The following NKAIN3 variants were observed in gnomAD, a reference collection of about 807,000 sequenced individuals.
NKAIN3 encodes the protein sodium/potassium transporting ATPase interacting 3.
NKAIN3 carries 25 observed loss-of-function variants against 30.2 expected under a neutral mutation model. That is an observed-to-expected ratio of 0.83 (90% CI 0.60 to 1.16). The LOEUF (loss-of-function observed/expected upper bound fraction) is 1.16, where lower values mean the gene tolerates loss of function less well. Ranked by LOEUF, NKAIN3 falls within the 50% of genes most tolerant of loss-of-function variation. NKAIN3 has a pLI of 0.00. For synonymous variants in NKAIN3, 91 were observed against 89.6 expected, an observed-to-expected ratio of 1.02 and a Z score of -0.09; for missense variants, 225 against 254.1, an observed-to-expected ratio of 0.89 and a Z score of 0.78.
At chr8:62,257,791 AT>A (rs1337966696) in intron 1 of NKAIN3, among the ~76,000 whole-genome samples, 1 of 152,208 alleles carries the variant, frequency 6.6e-6, no homozygotes, top group Non-Finnish European at 1.5e-5. Flanking sequence ...AAGTATTTAT[AT>A]ATACCTGTAG....
At chr8:62,727,122 G>A (rs774001112) in intron 3 of NKAIN3, among the ~76,000 whole-genome samples, 10 of 152,090 alleles carry the variant, frequency 6.6e-5, no homozygotes, top group Non-Finnish European at 1.3e-4. Flanking sequence ...GTCAATAGAT[G>A]CAGAAAAAGC....
intron 4 of NKAIN3, among the ~76,000 whole-genome samples, chr8:62,787,609 A>G (rs1817564234): frequency 6.6e-6 from 1 of 152,148 alleles, no homozygotes; most frequent in South Asian, 2.1e-4. Context: ...TACATGTGCC[A>G]TGTTGGTGTG....
intron 3 of NKAIN3, among the ~76,000 whole-genome samples, chr8:62,598,615 C>G (rs548629578): frequency 6.6e-6 from 1 of 152,010 alleles, no homozygotes; most frequent in African/African-American, 2.4e-5. Flanking sequence ...TGCATTCCCG[C>G]GGGTTCTGTC....
At chr8:62,648,206 T>C (rs1355246838) in intron 3 of NKAIN3, among the ~76,000 whole-genome samples, 1 of 152,122 alleles carries the variant, frequency 6.6e-6, no homozygotes, top group Non-Finnish European at 1.5e-5. Flanking sequence ...CTGTAAGACA[T>C]GGATCCGTGT....
In NKAIN3 at chr8:62,984,432, G is replaced by T. The variant is rs948004265; in HGVS notation, c.*19025G>T. 2 of 151,824 alleles carry T rather than the reference G, an allele frequency of 1.3e-5. No individual in the cohort carries two copies. Among genetic ancestry groups the T allele is most frequent in the Admixed American group, 6.6e-5 (1 of 15,234 alleles). 9.4% of individuals were successfully genotyped at this position (151,824 alleles called of 1,614,324 possible). A position where few individuals can be genotyped will look rare whatever the true frequency, so the allele number is the denominator to read the frequency against. ...TCAATCTTCAAATAATTCTTAGATT[G>T]CTTGCCAGCAAAGATGTCTCTTGAT... On this transcript the variant is annotated 3_prime_UTR_variant, in exon 7 of 7. Coordinates refer to ENST00000623646, the MANE Select transcript of NKAIN3 (RefSeq NM_001304533.3).
chr8:62,476,655 C>T (rs2198217), intron 1 of NKAIN3, among the ~76,000 whole-genome samples: 22,112 of 151,882 alleles, frequency 0.15, 1,779 homozygotes, highest in East Asian at 0.34. Flanking sequence ...CAGGGTTTCA[C>T]CATGTTGGCC....
chr8:62,852,896 A>T (rs533585996), intron 4 of NKAIN3, among the ~76,000 whole-genome samples: 3 of 152,194 alleles, frequency 2.0e-5, no homozygotes, highest in African/African-American at 7.2e-5. Context: ...TTTTGGAATA[A>T]GTGTGGTGTG....
intron 5 of NKAIN3, among the ~76,000 whole-genome samples, chr8:62,934,581 G>A (rs1220346764): frequency 6.6e-6 from 1 of 151,964 alleles, no homozygotes. Flanking sequence ...ATGCACCCCT[G>A]TAAGGACTCT....
intron 3 of NKAIN3, among the ~76,000 whole-genome samples, chr8:62,599,613 T>C (rs1810932682): frequency 6.6e-6 from 1 of 152,158 alleles, no homozygotes; most frequent in Middle Eastern, 3.4e-3. Flanking sequence ...TGGGATGTAT[T>C]TATTACTATG....
In NKAIN3 at chr8:62,515,273, T is replaced by G. The variant is rs552621771; in HGVS notation, c.55-64266T>G. On this transcript the variant is annotated intron_variant, in intron 1 of 6. Coordinates refer to ENST00000623646, the MANE Select transcript of NKAIN3 (RefSeq NM_001304533.3). Reference sequence around the variant, plus strand: ...TATTGTTTTAAAATTTATTTTTTAGTTAGCAAATAAAAAGTATATATATTT... The same window carrying G: ...TATTGTTTTAAAATTTATTTTTTAGGTAGCAAATAAAAAGTATATATATTT... Among the ~76,000 whole-genome samples, 9 of 152,300 alleles carry G rather than the reference T, an allele frequency of 5.9e-5. No individual in the cohort carries two copies. The South Asian group carries it at 1.9e-3, about 32-fold the overall frequency.
At chr8:62,504,752 G>A (rs575636174) in intron 1 of NKAIN3, among the ~76,000 whole-genome samples, 35 of 152,186 alleles carry the variant, frequency 2.3e-4, no homozygotes, top group East Asian at 3.9e-4. Context: ...CCTATAGCAC[G>A]ATGCTATAAT....
intron 3 of NKAIN3, among the ~76,000 whole-genome samples, chr8:62,683,224 CG>C (rs1813696633): frequency 6.6e-6 from 1 of 152,074 alleles, no homozygotes; most frequent in Non-Finnish European, 1.5e-5. Context: ...TTAGTAGAAA[CG>C]GGGTTTCACC....
At chr8:62,878,511 T>C (rs1820869418) in intron 4 of NKAIN3, among the ~76,000 whole-genome samples, 1 of 150,924 alleles carries the variant, frequency 6.6e-6, no homozygotes, top group African/African-American at 2.4e-5. Flanking sequence ...GTTGTGTTTT[T>C]ATTATTATTA....
chr8:62,857,183 T>G (rs1820088355), intron 4 of NKAIN3: 5 of 306,368 alleles, frequency 1.6e-5, no homozygotes, highest in South Asian at 1.6e-4. Context: ...CTCTTCTGGC[T>G]GTAGAGTTTC....
At chr8:62,315,048 T>G (rs1814568495) in intron 1 of NKAIN3, among the ~76,000 whole-genome samples, 1 of 152,152 alleles carries the variant, frequency 6.6e-6, no homozygotes, top group African/African-American at 2.4e-5. Context: ...ATAAATAGAT[T>G]GCAAAGGAAG....
chr8:62,803,303 G>A (rs1233578788), intron 4 of NKAIN3, among the ~76,000 whole-genome samples: 2 of 152,116 alleles, frequency 1.3e-5, no homozygotes, highest in Non-Finnish European at 2.9e-5. Context: ...CAAATCAACA[G>A]AATATACATT....
intron 6 of NKAIN3, among the ~76,000 whole-genome samples, chr8:62,960,564 A>C (rs973682294): frequency 1.3e-5 from 2 of 152,092 alleles, no homozygotes; most frequent in Non-Finnish European, 2.9e-5. Flanking sequence ...TTTCCAAGAG[A>C]AAGTATCCTC....
intron 1 of NKAIN3, among the ~76,000 whole-genome samples, chr8:62,376,472 A>C (rs1817087610): frequency 6.6e-6 from 1 of 152,146 alleles, no homozygotes; most frequent in East Asian, 1.9e-4. Flanking sequence ...CAAGTACTAA[A>C]ATTCCCACCT....
chr8:62,466,746 A>G (rs998284662), intron 1 of NKAIN3, among the ~76,000 whole-genome samples: 2 of 152,174 alleles, frequency 1.3e-5, no homozygotes, highest in Admixed American at 6.5e-5. Context: ...TAGGTCTTAA[A>G]AGCCTCATAT....
Sources: allele counts gnomAD v4.1 joint callset (sites outside exome capture counted in the v4.1 genomes callset), GRCh38; gene constraint gnomAD v4.1.1; transcripts MANE v1.5; gene names NCBI Gene and HGNC (gene_info 2026-07-23, HGNC 2026-07-21).